The following CLVS1 variants were observed in gnomAD, a reference collection of about 807,000 sequenced individuals.
CLVS1 encodes clavesin 1.
CLVS1 carries 10 observed loss-of-function variants against 33.1 expected under a neutral mutation model. That is an observed-to-expected ratio of 0.30 (90% confidence interval 0.19 to 0.51). The LOEUF is 0.51. Among genes scored for constraint, CLVS1 ranks in the 20% least tolerant of loss-of-function variants. The pLI is 0.97. For missense variants in CLVS1, 343 were observed against 433.4 expected (o/e 0.79, Z 1.85); for synonymous variants, 163 against 166.1 (o/e 0.98, Z 0.14).
At chr8:61,472,551 T>C (rs895967039) in intron 5 of CLVS1, among the ~76,000 whole-genome samples, 3 of 152,226 alleles carry the variant, frequency 2.0e-5, no homozygotes, top group South Asian at 4.1e-4. Flanking sequence ...AATCAATGTT[T>C]CATTAGAATT....
At chr8:61,460,172 A>G (rs1277028650) in intron 5 of CLVS1, among the ~76,000 whole-genome samples, 1 of 152,232 alleles carries the variant, frequency 6.6e-6, no homozygotes, top group Non-Finnish European at 1.5e-5. Flanking sequence ...CCACGTCAGT[A>G]TATTTAGACA....
At position 61,410,958 on chromosome 8, in the gene CLVS1, A is replaced by G. The variant is rs377755043; in HGVS notation, c.630+34179A>G. Among the ~76,000 whole-genome samples the G allele has an allele frequency of 2.1e-4, 32 of 152,264 alleles. No individual in the cohort carries two copies. The South Asian group carries it at 6.4e-3, about 31-fold the overall frequency. On this transcript the variant is annotated intron_variant, in intron 3 of 5. Coordinates refer to ENST00000325897, the MANE Select transcript of CLVS1 (RefSeq NM_173519.3). Reference sequence around the variant, plus strand: ...CATCCAGACAAATTTCATTATTAAAACTGACATTTGTGGGCACTGAGAACC... The same window carrying G: ...CATCCAGACAAATTTCATTATTAAAGCTGACATTTGTGGGCACTGAGAACC...
chr8:61,313,732 CTCTT>C (rs1259304979), intron 2 of CLVS1, among the ~76,000 whole-genome samples: 1 of 152,150 alleles, frequency 6.6e-6, no homozygotes, highest in Non-Finnish European at 1.5e-5. Context: ...ACCAGGGAGA[CTCTT>C]TCTAGACTCT....
intron 2 of CLVS1, among the ~76,000 whole-genome samples, chr8:61,135,190 A>C (rs1254732373): frequency 6.6e-6 from 1 of 151,824 alleles, no homozygotes; most frequent in Non-Finnish European, 1.5e-5. Context: ...CAGCCAGGAG[A>C]GATCTGGGCT....
rs550315244 is a variant in CLVS1 at position 61,310,037 on chromosome 8, G to A, written c.455+9755G>A. On this transcript the variant is annotated intron_variant, in intron 2 of 5. Transcript: ENST00000325897. The stretch of plus-strand genomic sequence containing the variant: ...TGTATCCATGGTGAATATTGGTGAG[G>A]AAAGAAGGGAGGAGGCAAGCCAGGG... 5.9e-5 allele frequency among the ~76,000 whole-genome samples: 9 copies of A among 152,294 alleles called. No homozygotes were observed. The South Asian group carries it at 1.9e-3, about 32-fold the overall frequency.
At chr8:61,341,220 C>T (rs1812018503) in intron 2 of CLVS1, among the ~76,000 whole-genome samples, 1 of 152,154 alleles carries the variant, frequency 6.6e-6, no homozygotes, top group Non-Finnish European at 1.5e-5. Flanking sequence ...TCCTGTTTCA[C>T]ATGTTGGTAA....
At chr8:61,490,160 A>AC (rs1804019925) in intron 5 of CLVS1, among the ~76,000 whole-genome samples, 1 of 151,686 alleles carries the variant, frequency 6.6e-6, no homozygotes, top group Non-Finnish European at 1.5e-5. Flanking sequence ...TACTAAAAAT[A>AC]AAAAATTACC....
At chr8:61,047,935 A>G in the CLVS1 span, among the ~76,000 whole-genome samples, 3 of 147,990 alleles carry the variant, frequency 2.0e-5, no homozygotes, top group Admixed American at 2.0e-4. Context: ...TAAAACTTAA[A>G]GTATAATAAT....
chr8:61,056,598 G>T (rs1353292633), upstream of CLVS1, among the ~76,000 whole-genome samples: 1 of 152,118 alleles, frequency 6.6e-6, no homozygotes, highest in Non-Finnish European at 1.5e-5. Context: ...CAGGACATTA[G>T]ACTTCACATA....
At chr8:61,458,235 G>C (rs535570538) in intron 4 of CLVS1, 72 bp from the exon 5 acceptor site, 1 of 1,110,846 alleles carries the variant, frequency 9.0e-7, no homozygotes, top group Admixed American at 1.9e-5. Flanking sequence ...TGGCTAAATT[G>C]TGTATTAGAT....
the CLVS1 span, among the ~76,000 whole-genome samples, chr8:60,975,023 G>A: frequency 1.2e-4 from 18 of 152,136 alleles, no homozygotes; most frequent in Non-Finnish European, 2.4e-4. Flanking sequence ...TCCCTCGATG[G>A]TTTTGGTACT....
At chr8:61,310,441 T>G (rs578233917) in intron 2 of CLVS1, among the ~76,000 whole-genome samples, 1 of 152,304 alleles carries the variant, frequency 6.6e-6, no homozygotes, top group African/African-American at 2.4e-5. Context: ...GTTAAAACAC[T>G]GTGCTGCACA....
intron 5 of CLVS1, among the ~76,000 whole-genome samples, chr8:61,467,798 AG>A (rs1817601745): frequency 6.6e-6 from 1 of 152,166 alleles, no homozygotes; most frequent in South Asian, 2.1e-4. Context: ...CTCCACAAAA[AG>A]TTTATATAGA....
intron 2 of CLVS1, among the ~76,000 whole-genome samples, chr8:61,302,322 T>A (rs1308151162): frequency 6.6e-6 from 1 of 152,208 alleles, no homozygotes; most frequent in East Asian, 1.9e-4. Context: ...ACATAATTAA[T>A]GATGAGTCTC....
At chr8:61,463,498 G>C (rs73685055) in intron 5 of CLVS1, among the ~76,000 whole-genome samples, 2 of 152,096 alleles carry the variant, frequency 1.3e-5, no homozygotes, top group Admixed American at 6.5e-5. Flanking sequence ...AATGAGAGAC[G>C]TGCAACTCTT....
intron 2 of CLVS1, among the ~76,000 whole-genome samples, chr8:61,132,886 G>A (rs1806126411): frequency 6.6e-6 from 1 of 152,330 alleles, no homozygotes; most frequent in East Asian, 1.9e-4. Flanking sequence ...TCCCCTAAAA[G>A]GGATGAGGTA....
the CLVS1 span, among the ~76,000 whole-genome samples, chr8:60,978,626 C>A: frequency 1.3e-5 from 2 of 151,718 alleles, no homozygotes; most frequent in Non-Finnish European, 2.9e-5. Context: ...ACCATCCTGG[C>A]CAACATGGTG....
intron 3 of CLVS1, among the ~76,000 whole-genome samples, chr8:61,404,961 G>A (rs1335464659): frequency 1.3e-5 from 2 of 152,196 alleles, no homozygotes; most frequent in Non-Finnish European, 2.9e-5. Flanking sequence ...ACAGCAACCA[G>A]TTAACACTGA....
chr8:61,366,134 G>T (rs1040014773), intron 2 of CLVS1, among the ~76,000 whole-genome samples: 93 of 150,724 alleles, frequency 6.2e-4, no homozygotes, highest in African/African-American at 2.0e-3. Context: ...TTTTTGTTTT[G>T]TTTTTAATTT....
Sources: allele counts gnomAD v4.1 joint callset (sites outside exome capture counted in the v4.1 genomes callset), GRCh38; gene constraint gnomAD v4.1.1; transcripts MANE v1.5; gene names NCBI Gene and HGNC (gene_info 2026-07-23, HGNC 2026-07-21).